The following ASAP2 variants were observed in gnomAD, a reference collection of about 807,000 sequenced individuals.
ASAP2 encodes the protein ArfGAP with SH3 domain, ankyrin repeat and PH domain 2.
ASAP2 carries 45 observed loss-of-function variants against 131.4 expected under a neutral mutation model. The observed-to-expected ratio is 0.34, with a 90% CI of 0.27 to 0.44. The LOEUF (loss-of-function observed/expected upper bound fraction) is 0.44. Ranked by LOEUF, ASAP2 falls within the 20% of genes least tolerant of loss-of-function variation. The probability of loss-of-function intolerance (pLI) is 1.00; values close to 1 mark genes in which losing one functional copy is unlikely to be tolerated. For synonymous variants in ASAP2, 510 were observed against 503.0 expected (o/e 1.01, Z -0.19); for missense variants, 1,011 against 1,297.0 (o/e 0.78, Z 3.39).
chr2:9,386,933 G>A (rs188976831), intron 21 of ASAP2, among the ~76,000 whole-genome samples: 3 of 152,284 alleles, frequency 2.0e-5, no homozygotes, highest in Admixed American at 6.5e-5. Context: ...GGCCGAGCGC[G>A]GGGGCTCACG....
intron 1 of ASAP2, among the ~76,000 whole-genome samples, chr2:9,274,189 A>G (rs1193655937): frequency 2.6e-5 from 4 of 152,158 alleles, no homozygotes; most frequent in African/African-American, 9.7e-5. Flanking sequence ...ATCATCTGCA[A>G]ACAAGGCTAA....
chr2:9,240,760 TAAAG>T (rs1663905367), intron 1 of ASAP2, among the ~76,000 whole-genome samples: 1 of 152,176 alleles, frequency 6.6e-6, no homozygotes, highest in South Asian at 2.1e-4. Flanking sequence ...TCTTTTTACT[TAAAG>T]GAAGTGCTGT....
chr2:9,399,966 A>C, intron 24 of ASAP2, 57 bp from the exon 25 acceptor site: 1 of 1,556,176 alleles, frequency 6.4e-7, no homozygotes, highest in East Asian at 2.2e-5. Context: ...AAAGGGGATG[A>C]GAAAGGGGCA....
chr2:9,350,676 A>T (rs76541041), intron 11 of ASAP2, 132 bp from the exon 12 acceptor site: 2 of 669,134 alleles, frequency 3.0e-6, no homozygotes, highest in East Asian at 5.7e-5. Flanking sequence ...TTCCTCTGTC[A>T]AGTCTGAAGG....
intron 21 of ASAP2, among the ~76,000 whole-genome samples, chr2:9,387,081 G>GC (rs1675326106): frequency 6.6e-6 from 1 of 151,330 alleles, no homozygotes; most frequent in African/African-American, 2.4e-5. Flanking sequence ...TGGTGGGTGG[G>GC]GGGGCGCCTG....
At chr2:9,344,491 A>T in intron 9 of ASAP2, 41 bp from the exon 10 acceptor site, 1 of 1,528,246 alleles carries the variant, frequency 6.5e-7, no homozygotes, top group African/African-American at 1.4e-5. Flanking sequence ...AAAAATTAGG[A>T]CCTGGACAAG....
chr2:9,358,587 G>T (rs1360762367), intron 14 of ASAP2, among the ~76,000 whole-genome samples, 169 bp from the exon 15 acceptor site: 5 of 152,142 alleles, frequency 3.3e-5, no homozygotes, highest in Admixed American at 3.3e-4. Flanking sequence ...GCATATTTGG[G>T]TATTGCATGT....
At position 9,221,927 on chromosome 2, in the gene ASAP2, G is replaced by A. The variant is rs540622037; in HGVS notation, c.126+14697G>A. Among the ~76,000 whole-genome samples the A allele has an allele frequency of 1.5e-3, 234 of 152,124 alleles. 1 individual carries two copies. The highest frequency in any genetic ancestry group is 5.2e-3 in the African/African-American group (215 of 41,514). ...TCCTGCCTCAGCCTCCCGAGTAGCT[G>A]GGACTACAGGTGCCCGCCACCACGC... On this transcript the variant is annotated intron_variant, in intron 1 of 27. Transcript: ENST00000281419.
At position 9,311,498 on chromosome 2, in the gene ASAP2, G is replaced by A. The variant is rs1004107813; in HGVS notation, c.346-7026G>A. Among the ~76,000 whole-genome samples, 3 of 152,212 alleles carry A rather than the reference G, an allele frequency of 2.0e-5. No homozygotes were observed. Among genetic ancestry groups the A allele is most frequent in the African/African-American group, 7.2e-5 (3 of 41,470 alleles). On this transcript the variant is annotated intron_variant, in intron 3 of 27. Transcript: ENST00000281419. This position sits in a 1 kb window ranked among gnomAD's most constrained non-coding sequence, Gnocchi z 5.2. The stretch of plus-strand genomic sequence containing the variant: ...TAATATATTTGTTAAAAGTGAGTCA[G>A]AACATAAGAGAAAGCCCTATGCTTT...
chr2:9,283,502 C>T (rs984772316), intron 2 of ASAP2, among the ~76,000 whole-genome samples: 4 of 152,176 alleles, frequency 2.6e-5, no homozygotes, highest in Non-Finnish European at 4.4e-5. Flanking sequence ...CAGGGGAAAT[C>T]GGTGTCCTTT....
intron 1 of ASAP2, among the ~76,000 whole-genome samples, chr2:9,259,075 T>C (rs557177146): frequency 6.6e-6 from 1 of 152,364 alleles, no homozygotes; most frequent in South Asian, 2.1e-4. Flanking sequence ...CTCTGGGCCG[T>C]GGTCCAGCCC....
chr2:9,340,311 G>A (rs190189826), intron 9 of ASAP2, among the ~76,000 whole-genome samples: 19 of 152,282 alleles, frequency 1.2e-4, no homozygotes, highest in Middle Eastern at 3.4e-3. Context: ...ATGAGCCACC[G>A]CGCCCGGCCA....
At chr2:9,326,602 T>C (rs1163106208) in intron 6 of ASAP2, among the ~76,000 whole-genome samples, 2 of 152,224 alleles carry the variant, frequency 1.3e-5, no homozygotes, top group Non-Finnish European at 2.9e-5. Flanking sequence ...GATAACCACT[T>C]TGACATTTAA....
At chr2:9,336,691 A>G (rs1399329087) in intron 9 of ASAP2, among the ~76,000 whole-genome samples, 1 of 152,200 alleles carries the variant, frequency 6.6e-6, no homozygotes, top group East Asian at 1.9e-4. Context: ...CCTAGTCTAG[A>G]GAATGTAGGC....
In ASAP2 at chr2:9,207,444, T is replaced by G. The variant is rs1661196991; in HGVS notation, c.126+214T>G. The stretch of plus-strand genomic sequence containing the variant: ...TTGGGCCTCTTTAAGACCTCCCCTC[T>G]CTCGGCCTCGTGGCCCTCGCGGGGT... On this transcript the variant is annotated intron_variant, in intron 1 of 27. Transcript: ENST00000281419. This position sits in a 1 kb window ranked among gnomAD's most constrained non-coding sequence, Gnocchi z 4.1. 6.6e-6 allele frequency among the ~76,000 whole-genome samples: 1 copy of G among 152,162 alleles called. No homozygotes were observed. The highest frequency in any genetic ancestry group is 1.5e-5 in the Non-Finnish European group (1 of 67,992).
intron 3 of ASAP2, among the ~76,000 whole-genome samples, chr2:9,308,452 A>G (rs1669090696): frequency 6.6e-6 from 1 of 152,214 alleles, no homozygotes; most frequent in South Asian, 2.1e-4. Context: ...CTGCAATTGG[A>G]CATGAGGTTT....
At chr2:9,264,439 CATT>C (rs967822995) in intron 1 of ASAP2, among the ~76,000 whole-genome samples, 3 of 152,130 alleles carry the variant, frequency 2.0e-5, no homozygotes, top group African/African-American at 7.2e-5. Context: ...CTGCTGTTCT[CATT>C]ATGAGTCCCC....
rs34528995 is a variant in ASAP2 at position 9,258,335 on chromosome 2, G to GT, written c.127-20964dup. ...ACAGTATTGATAGTAATCAGTAGTT[G>GT]TTTTTTTTTTTTTTTTTTGAGACTT... On this transcript the variant is annotated intron_variant, in intron 1 of 27. Transcript: ENST00000281419. Among the ~76,000 whole-genome samples the GT allele has an allele frequency of 8.0e-3, 725 of 90,582 alleles. 13 individuals carry two copies. The highest frequency in any genetic ancestry group is 0.02 in the East Asian group (75 of 3,740). 59.4% of individuals were successfully genotyped at this position (90,582 alleles called of 152,430 possible).
intron 12 of ASAP2, among the ~76,000 whole-genome samples, chr2:9,352,875 A>C (rs1381065972): frequency 6.6e-6 from 1 of 152,198 alleles, no homozygotes. Flanking sequence ...GCTAGAGTCC[A>C]TTGTCATCTT....
Sources: allele counts gnomAD v4.1 joint callset (sites outside exome capture counted in the v4.1 genomes callset), GRCh38; gene constraint gnomAD v4.1.1; non-coding constraint Gnocchi (gnomAD v3.1); transcripts MANE v1.5; gene names NCBI Gene and HGNC (gene_info 2026-07-23, HGNC 2026-07-21).